RALGPS1: variants seen among roughly 807,000 people sequenced by gnomAD.
RALGPS1 encodes Ral GEF with PH domain and SH3 binding motif 1.
A neutral mutation model predicts 78.8 loss-of-function variants in RALGPS1; 19 were observed. The observed-to-expected ratio is 0.24, with a 90% CI of 0.17 to 0.35. RALGPS1 has a LOEUF of 0.35. RALGPS1 is among the 10% of genes least tolerant of loss of function. The pLI, the probability that RALGPS1 is intolerant of heterozygous loss-of-function variation, is 1.00. For missense variants in RALGPS1, 454 were observed against 688.3 expected, an observed-to-expected ratio of 0.66 and a Z score of 3.81; for synonymous variants, 228 against 256.3, an observed-to-expected ratio of 0.89 and a Z score of 1.06.
At chr9:127,182,564 G>A (rs1423413733) in intron 11 of RALGPS1, among the ~76,000 whole-genome samples, 1 of 151,738 alleles carries the variant, frequency 6.6e-6, no homozygotes, top group Non-Finnish European at 1.5e-5. Context: ...CGAGTAGCTG[G>A]GATTACAGTC....
At chr9:126,961,130 TGTG>T (rs1463595921) in intron 1 of RALGPS1, among the ~76,000 whole-genome samples, 4 of 152,178 alleles carry the variant, frequency 2.6e-5, no homozygotes, top group African/African-American at 7.2e-5. Flanking sequence ...CGTTCAGTGA[TGTG>T]GTAAATGCTC....
At chr9:126,989,827 A>T in intron 4 of RALGPS1, 2 of 1,533,296 alleles carry the variant, frequency 1.3e-6, no homozygotes, top group Admixed American at 2.1e-5. Flanking sequence ...TTCCTGCATC[A>T]GGCTGGAGCT....
At chr9:126,949,215 T>A (rs1269289125) in intron 1 of RALGPS1, among the ~76,000 whole-genome samples, 1 of 152,240 alleles carries the variant, frequency 6.6e-6, no homozygotes, top group African/African-American at 2.4e-5. Context: ...TCTATCATTG[T>A]TGGACATTTG....
In RALGPS1 at chr9:127,183,048, A is replaced by G. The variant is rs1328819843; in HGVS notation, c.910+8266A>G. 6.6e-6 allele frequency among the ~76,000 whole-genome samples: 1 copy of G among 152,068 alleles called. No individual in the cohort carries two copies. The highest frequency in any genetic ancestry group is 1.5e-5 in the Non-Finnish European group (1 of 68,026). On this transcript the variant is annotated intron_variant, in intron 11 of 18. Coordinates refer to ENST00000259351, the MANE Select transcript of RALGPS1 (RefSeq NM_014636.3). This position sits in a 1 kb window ranked among gnomAD's most constrained non-coding sequence, Gnocchi z 4.0. ...AAGCAAGAGATTCAGGGGTGAGGAG[A>G]GGCAAGTTCCCAGACTTTTAAACAA...
chr9:127,196,315 G>A (rs957277443), intron 12 of RALGPS1, among the ~76,000 whole-genome samples, 159 bp from the exon 13 acceptor site: 1 of 152,238 alleles, frequency 6.6e-6, no homozygotes, highest in Non-Finnish European at 1.5e-5. Context: ...CTTGCCCAAG[G>A]TCATGGCATG....
intron 1 of RALGPS1, among the ~76,000 whole-genome samples, chr9:126,934,732 A>T (rs2036106358): frequency 6.6e-6 from 1 of 151,842 alleles, no homozygotes; most frequent in Admixed American, 6.6e-5. Flanking sequence ...TCATGCTGTC[A>T]CCCTTGTGTT....
Position 127,109,328 on chromosome 9 carries a change from C to G in RALGPS1, c.610+39972C>G, listed in dbSNP as rs59686638. Among the ~76,000 whole-genome samples, 159 of 152,348 alleles carry G rather than the reference C, an allele frequency of 1.0e-3. 1 individual carries two copies. Among genetic ancestry groups the G allele is most frequent in the African/African-American group, 3.7e-3 (155 of 41,582 alleles). On this transcript the variant is annotated intron_variant, in intron 8 of 18. Transcript: ENST00000259351. ...ATGAGGGCATGTCGTCTGTCTGATT[C>G]AACCCTGTATTCCCAGGATATTGCA...
intron 8 of RALGPS1, among the ~76,000 whole-genome samples, chr9:127,146,416 G>T (rs1019592295): frequency 6.6e-6 from 1 of 152,048 alleles, no homozygotes; most frequent in African/African-American, 2.4e-5. Flanking sequence ...TTTTATGGCT[G>T]TATAGTATTC....
At chr9:127,073,418 A>G (rs1395832569) in intron 8 of RALGPS1, among the ~76,000 whole-genome samples, 1 of 149,150 alleles carries the variant, frequency 6.7e-6, no homozygotes, top group Non-Finnish European at 1.5e-5. Context: ...ACAGGATTTC[A>G]TTCTTTTTAT....
At position 127,013,754 on chromosome 9, in the gene RALGPS1, G is replaced by A. The variant is rs1056273712; in HGVS notation, c.217-20677G>A. Among the ~76,000 whole-genome samples, 70 of 152,092 alleles carry A rather than the reference G, an allele frequency of 4.6e-4. 2 individuals carry two copies. Among genetic ancestry groups the A allele is most frequent in the Admixed American group, 4.6e-3 (70 of 15,272 alleles). ...CTAAGGGGGGCGTGCAGGTAGGAGTGACTTATCCTTTCCTTCCAACCCTCT... is the reference window on the plus strand; with the variant it reads ...CTAAGGGGGGCGTGCAGGTAGGAGTAACTTATCCTTTCCTTCCAACCCTCT... On this transcript the variant is annotated intron_variant, in intron 4 of 18. Transcript: ENST00000259351.
intron 14 of RALGPS1, among the ~76,000 whole-genome samples, chr9:127,199,914 A>T (rs2061540257): frequency 1.3e-5 from 2 of 152,060 alleles, no homozygotes; most frequent in South Asian, 4.2e-4. Context: ...ACACACACGT[A>T]CACATGCACA....
intron 11 of RALGPS1, among the ~76,000 whole-genome samples, chr9:127,182,920 A>G (rs750329473): frequency 2.0e-5 from 3 of 152,214 alleles, no homozygotes; most frequent in South Asian, 2.1e-4. Context: ...CAGTTCTGCA[A>G]GCTTTACAAG....
intron 11 of RALGPS1, among the ~76,000 whole-genome samples, chr9:127,191,113 CTG>C (rs1285261986): frequency 6.6e-6 from 1 of 152,176 alleles, no homozygotes; most frequent in Non-Finnish European, 1.5e-5. Flanking sequence ...TTGAAGTTCT[CTG>C]TGTATCTGAA....
intron 3 of RALGPS1, among the ~76,000 whole-genome samples, chr9:126,967,979 G>A (rs1344474359): frequency 6.6e-6 from 1 of 150,642 alleles, no homozygotes; most frequent in East Asian, 1.9e-4. Flanking sequence ...CAAAACATAC[G>A]TATTGCCTGA....
At chr9:126,962,824 C>T (rs956068464) in intron 2 of RALGPS1, among the ~76,000 whole-genome samples, 8 of 152,162 alleles carry the variant, frequency 5.3e-5, no homozygotes, top group South Asian at 2.1e-4. Context: ...TTTCCATGCT[C>T]GGTAATGGCA....
At chr9:127,189,023 A>C (rs1476101814) in intron 11 of RALGPS1, among the ~76,000 whole-genome samples, 3 of 132,410 alleles carry the variant, frequency 2.3e-5, no homozygotes, top group Non-Finnish European at 1.7e-5. Flanking sequence ...AAAAAAAAAA[A>C]AAAACCCCAT....
intron 8 of RALGPS1, among the ~76,000 whole-genome samples, chr9:127,134,398 A>G (rs1176672602): frequency 6.6e-6 from 1 of 152,238 alleles, no homozygotes; most frequent in Non-Finnish European, 1.5e-5. Context: ...ACACTGAGCC[A>G]GTGGCTTGGA....
intron 11 of RALGPS1, among the ~76,000 whole-genome samples, chr9:127,187,731 C>A (rs1314075230): frequency 6.6e-6 from 1 of 152,220 alleles, no homozygotes; most frequent in Non-Finnish European, 1.5e-5. Context: ...AAGGCAAGAT[C>A]CACCCTCTAC....
At chr9:126,990,305 G>A in intron 4 of RALGPS1, 1 of 290,512 alleles carries the variant, frequency 3.4e-6, no homozygotes, top group African/African-American at 2.2e-5. Flanking sequence ...CCTGAATGAT[G>A]GCAGCAGCCT....
Sources: gnomAD v4.1 joint callset for allele counts (sites outside exome capture counted in the v4.1 genomes callset) on GRCh38, gnomAD v4.1.1 for gene constraint, Gnocchi (gnomAD v3.1) non-coding constraint, MANE v1.5 for transcripts, NCBI Gene and HGNC (gene_info 2026-07-23, HGNC 2026-07-21) for gene names.